The following PRKCA variants were observed in gnomAD, a reference collection of about 807,000 sequenced individuals.
PRKCA encodes protein kinase C alpha type.
Under a neutral mutation model 87.0 loss-of-function variants are expected in PRKCA, and 27 were observed. The ratio of observed to expected loss-of-function variants is 0.31; its 90% CI spans 0.23 to 0.43. The LOEUF is 0.43. Among genes scored for constraint, PRKCA ranks in the 20% least tolerant of loss-of-function variants. The pLI is 1.00. For synonymous variants in PRKCA, 329 were observed against 311.1 expected, an observed-to-expected ratio of 1.06 and a Z score of -0.61; for missense variants, 518 against 852.3, an observed-to-expected ratio of 0.61 and a Z score of 4.88.
At chr17:66,531,819 G>T (rs960901569) in intron 3 of PRKCA, among the ~76,000 whole-genome samples, 52 of 152,296 alleles carry the variant, frequency 3.4e-4, no homozygotes, top group African/African-American at 1.3e-3. Context: ...GTCCTGGTTG[G>T]TGACCAGGGA....
Position 66,803,681 on chromosome 17 carries a change from G to T in PRKCA, c.1855-192G>T, listed in dbSNP as rs1357261811. 1.3e-5 allele frequency among the ~76,000 whole-genome samples: 2 copies of T among 152,170 alleles called. No individual in the cohort carries two copies. Among genetic ancestry groups the T allele is most frequent in the South Asian group, 4.1e-4 (2 of 4,824 alleles). ...TGTTCGGGGTGTTTCAGGGTTTACAGTTGGGTAACTCGTTGTTGTCTGCTG... is the reference window on the plus strand; with the variant it reads ...TGTTCGGGGTGTTTCAGGGTTTACATTTGGGTAACTCGTTGTTGTCTGCTG... On this transcript the variant is annotated intron_variant, in intron 16 of 16. Coordinates refer to ENST00000413366, the MANE Select transcript of PRKCA (RefSeq NM_002737.3). The surrounding 1 kb of genome is among the most constrained non-coding windows in gnomAD (Gnocchi z 4.4).
Position 66,764,083 on chromosome 17 carries a change from G to A in PRKCA, c.1525-9904G>A, listed in dbSNP as rs371424288. On this transcript the variant is annotated intron_variant, in intron 13 of 16. Coordinates refer to ENST00000413366, the MANE Select transcript of PRKCA (RefSeq NM_002737.3). ...CGATGACCAGGGTTCTAATCCAAGC[G>A]TTGCTGCTTGCAAGCTCTGTAACAT... Among the ~76,000 whole-genome samples, 35 of 152,256 alleles carry A rather than the reference G, an allele frequency of 2.3e-4. No individual in the cohort carries two copies. In the East Asian group the frequency reaches 3.5e-3, roughly 15 times the overall value.
At chr17:66,419,761 T>A (rs1254690771) in intron 2 of PRKCA, among the ~76,000 whole-genome samples, 3 of 152,132 alleles carry the variant, frequency 2.0e-5, no homozygotes, top group Non-Finnish European at 1.5e-5. Flanking sequence ...ATGCTTCATA[T>A]GTTAAAGAAA....
chr17:66,377,387 C>T (rs994976816), intron 2 of PRKCA, among the ~76,000 whole-genome samples: 1 of 151,644 alleles, frequency 6.6e-6, no homozygotes, highest in South Asian at 2.1e-4. Context: ...CTCAGAAAAC[C>T]AAGAAACAGG....
At chr17:66,591,015 C>G (rs1306505865) in intron 3 of PRKCA, among the ~76,000 whole-genome samples, 1 of 152,120 alleles carries the variant, frequency 6.6e-6, no homozygotes, top group Non-Finnish European at 1.5e-5. Context: ...CCCAGGCCTG[C>G]CATTTCCAGC....
intron 2 of PRKCA, among the ~76,000 whole-genome samples, chr17:66,463,633 G>A (rs1318086757): frequency 6.6e-6 from 1 of 152,180 alleles, no homozygotes; most frequent in Non-Finnish European, 1.5e-5. Flanking sequence ...CTGACCTCAT[G>A]ATCTGCCTGC....
At chr17:66,505,523 C>G (rs983917056) in intron 3 of PRKCA, among the ~76,000 whole-genome samples, 3 of 152,182 alleles carry the variant, frequency 2.0e-5, no homozygotes, top group Admixed American at 2.0e-4. Flanking sequence ...TGGAACTCCA[C>G]TTTTGAATGG....
chr17:66,318,242 T>A lies in PRKCA; in HGVS notation c.205+12115T>A, dbSNP rs539605034. 3.9e-5 allele frequency among the ~76,000 whole-genome samples: 6 copies of A among 152,358 alleles called. No individual in the cohort carries two copies. In the East Asian group the frequency reaches 1.2e-3, roughly 29 times the overall value. ...AAACTTCTCTAGAATTCTGTTTTAATTAAAAAATGAGGCTTTGTTTCTGTA... is the reference window on the plus strand; with the variant it reads ...AAACTTCTCTAGAATTCTGTTTTAAATAAAAAATGAGGCTTTGTTTCTGTA... On this transcript the variant is annotated intron_variant, in intron 2 of 16. Transcript: ENST00000413366.
intron 2 of PRKCA, among the ~76,000 whole-genome samples, chr17:66,455,121 A>G (rs1230087247): frequency 6.6e-6 from 1 of 152,222 alleles, no homozygotes; most frequent in Non-Finnish European, 1.5e-5. Context: ...TTAAGTCCAC[A>G]TAAGTGAGTC....
intron 5 of PRKCA, among the ~76,000 whole-genome samples, chr17:66,648,860 A>C (rs1971516258): frequency 6.6e-6 from 1 of 152,122 alleles, no homozygotes; most frequent in Non-Finnish European, 1.5e-5. Context: ...TGGGAGGCCG[A>C]GGCGGGTGGA....
chr17:66,590,499 C>T (rs958713224), intron 3 of PRKCA, among the ~76,000 whole-genome samples: 3 of 152,154 alleles, frequency 2.0e-5, no homozygotes, highest in Non-Finnish European at 4.4e-5. Context: ...CTCCCAATGC[C>T]GTCCTCAGAG....
At chr17:66,342,642 C>T (rs1217823919) in intron 2 of PRKCA, among the ~76,000 whole-genome samples, 1 of 151,854 alleles carries the variant, frequency 6.6e-6, no homozygotes, top group Non-Finnish European at 1.5e-5. Flanking sequence ...GAGCCAAAGT[C>T]TGGAGGCAGA....
intron 3 of PRKCA, among the ~76,000 whole-genome samples, chr17:66,561,935 A>T (rs1968691547): frequency 6.6e-6 from 1 of 151,628 alleles, no homozygotes; most frequent in Non-Finnish European, 1.5e-5. Flanking sequence ...TCAGTTGTGG[A>T]AGATGAAAGA....
chr17:66,616,926 G>A (rs944423963), intron 3 of PRKCA, among the ~76,000 whole-genome samples: 2 of 151,972 alleles, frequency 1.3e-5, no homozygotes, highest in African/African-American at 4.8e-5. Flanking sequence ...GGGAGCAGGA[G>A]CTCCAGCTTT....
intron 2 of PRKCA, among the ~76,000 whole-genome samples, chr17:66,446,887 A>T (rs185603778): frequency 2.2e-4 from 34 of 152,292 alleles, no homozygotes; most frequent in African/African-American, 7.9e-4. Flanking sequence ...GGGTCAGGGC[A>T]GTTATTTTCT....
At chr17:66,374,309 AC>A (rs1310888023) in intron 2 of PRKCA, among the ~76,000 whole-genome samples, 2 of 152,250 alleles carry the variant, frequency 1.3e-5, no homozygotes, top group East Asian at 3.9e-4. Flanking sequence ...AGTGGCACGG[AC>A]TGCTGTCTGT....
At chr17:66,548,367 T>C (rs553256419) in intron 3 of PRKCA, among the ~76,000 whole-genome samples, 3 of 152,062 alleles carry the variant, frequency 2.0e-5, no homozygotes, top group African/African-American at 7.2e-5. Flanking sequence ...TCCTGCCGCC[T>C]CCCTCCCCTC....
At chr17:66,627,809 C>G (rs1970898809) in intron 3 of PRKCA, among the ~76,000 whole-genome samples, 1 of 152,146 alleles carries the variant, frequency 6.6e-6, no homozygotes, top group African/African-American at 2.4e-5. Flanking sequence ...TTCAGTATCC[C>G]CCCCCAAAAA....
rs1568035475 is a variant in PRKCA, at chr17:66,788,955, C to G, written c.1830C>G (p.Ile610Met). 6.2e-7 allele frequency: 1 copy of G among 1,614,166 alleles called. No individual in the cohort carries two copies. The highest frequency in any genetic ancestry group is 8.5e-7 in the Non-Finnish European group (1 of 1,180,028). Residue 610 changes from isoleucine to methionine, a missense_variant, in exon 16 of 17, where the codon ATC becomes ATG. Transcript: ENST00000413366. ...GGGAAAAACTGGAGAACAGGGAGATCCAGCCACCATTCAAGCCCAAAGTGG... is the reference window on the plus strand; with the variant it reads ...GGGAAAAACTGGAGAACAGGGAGATGCAGCCACCATTCAAGCCCAAAGTGG... ...IDWEKLENRE[I>M]QPPFKPKVCG...
Sources: allele counts gnomAD v4.1 joint callset (sites outside exome capture counted in the v4.1 genomes callset), GRCh38; gene constraint gnomAD v4.1.1; non-coding constraint Gnocchi (gnomAD v3.1); transcripts MANE v1.5; gene names NCBI Gene and HGNC (gene_info 2026-07-23, HGNC 2026-07-21).